SSH2: variants seen among roughly 807,000 people sequenced by gnomAD.
The protein encoded by SSH2 is protein phosphatase Slingshot homolog 2.
A neutral mutation model predicts 135.2 loss-of-function variants in SSH2; 37 were observed. The observed-to-expected ratio is 0.27, with a 90% confidence interval of 0.21 to 0.36. The LOEUF is 0.36. SSH2 is among the 10% of genes least tolerant of loss of function. SSH2 has a pLI of 1.00. For synonymous variants in SSH2, 628 were observed against 646.2 expected (o/e 0.97, Z 0.43); for missense variants, 1,408 against 1,765.3 (o/e 0.80, Z 3.63).
chr17:29,641,722 T>C (rs1598700286), intron 14 of SSH2: 1 of 152,228 alleles, frequency 6.6e-6, no homozygotes, highest in East Asian at 1.9e-4. Flanking sequence ...GAAATTTAAA[T>C]GACAGATGCA....
chr17:29,737,254 C>T (rs943183525), intron 3 of SSH2, among the ~76,000 whole-genome samples: 1 of 151,908 alleles, frequency 6.6e-6, no homozygotes, highest in African/African-American at 2.4e-5. Context: ...CATAAAATGT[C>T]TACACTTCCG....
intron 3 of SSH2, among the ~76,000 whole-genome samples, chr17:29,745,538 G>A (rs1567941354): frequency 6.6e-6 from 1 of 152,176 alleles, no homozygotes; most frequent in Admixed American, 6.5e-5. Flanking sequence ...GCAATAAATT[G>A]TGCTCTTATT....
At chr17:29,825,751 A>G (rs1204149696) in intron 2 of SSH2, among the ~76,000 whole-genome samples, 3 of 152,162 alleles carry the variant, frequency 2.0e-5, no homozygotes, top group African/African-American at 7.2e-5. Flanking sequence ...CTGCCCACAT[A>G]AGAGGAATTG....
intron 1 of SSH2, among the ~76,000 whole-genome samples, chr17:29,896,615 C>T (rs1221049720): frequency 6.6e-6 from 1 of 151,016 alleles, no homozygotes; most frequent in African/African-American, 2.4e-5. Flanking sequence ...TCTATATGGT[C>T]CATTCAATCC....
intron 3 of SSH2, among the ~76,000 whole-genome samples, chr17:29,785,491 A>ATTTTTTTTT (rs34346245): frequency 2.5e-5 from 2 of 78,496 alleles, no homozygotes; most frequent in African/African-American, 1.1e-4. Context: ...TTGGCGTTTC[A>ATTTTTTTTT]TTTTTTTTTT....
intron 3 of SSH2, among the ~76,000 whole-genome samples, chr17:29,760,295 C>T (rs936358656): frequency 1.3e-5 from 2 of 152,184 alleles, no homozygotes; most frequent in Non-Finnish European, 2.9e-5. Context: ...AAAATCCCAG[C>T]AGGTGACTCC....
intron 1 of SSH2, among the ~76,000 whole-genome samples, chr17:29,874,817 C>A (rs910304491): frequency 1.4e-4 from 22 of 152,224 alleles, no homozygotes; most frequent in African/African-American, 5.3e-4. Flanking sequence ...ATGCAGAATT[C>A]TCTGTGATTG....
At position 29,736,739 on chromosome 17, in the gene SSH2, A is replaced by G. The variant is rs1392468104; in HGVS notation, c.189-33677T>C. Among the ~76,000 whole-genome samples the G allele has an allele frequency of 1.6e-4, 21 of 131,890 alleles. No individual in the cohort carries two copies. The Admixed American group carries it at 1.6e-3, about 10-fold the overall frequency. The allele number at this position is 131,890 out of a possible 152,430, so 86.5% of individuals were successfully genotyped here. A position where few individuals can be genotyped will look rare whatever the true frequency, so the allele number is the denominator to read the frequency against. On this transcript the variant is annotated intron_variant, in intron 3 of 15. Transcript: ENST00000540801. ...GAGGCGGAGGTTGCAGTGAGCCAAG[A>G]TCGCGCCACTGTACTCCAGCCTGGG...
intron 1 of SSH2, among the ~76,000 whole-genome samples, chr17:29,901,002 C>T (rs1311822594): frequency 6.6e-6 from 1 of 152,070 alleles, no homozygotes; most frequent in Non-Finnish European, 1.5e-5. Context: ...AGCTGGAAAC[C>T]ATCATTCTCA....
intron 8 of SSH2, chr17:29,674,203 C>T (rs1227015383): frequency 2.2e-6 from 1 of 455,434 alleles, no homozygotes; most frequent in Non-Finnish European, 4.4e-6. Flanking sequence ...CCAATTTAAT[C>T]AGAGGAAAAT....
intron 3 of SSH2, among the ~76,000 whole-genome samples, chr17:29,779,708 C>G (rs1186750318): frequency 7.1e-6 from 1 of 140,582 alleles, no homozygotes; most frequent in Non-Finnish European, 1.5e-5. Context: ...ATCCCAGCTA[C>G]TTGGGGGGCT....
At chr17:29,728,807 T>A (rs1216237918) in intron 3 of SSH2, among the ~76,000 whole-genome samples, 1 of 151,806 alleles carries the variant, frequency 6.6e-6, no homozygotes, top group Non-Finnish European at 1.5e-5. Context: ...GAAAGGAGAG[T>A]CTCTTCAATA....
At chr17:29,929,814 C>G in intron 1 of SSH2, 124 bp downstream of exon 1, 1 of 862,176 alleles carries the variant, frequency 1.2e-6, no homozygotes, top group Non-Finnish European at 1.8e-6. Flanking sequence ...GGGTTCGCGG[C>G]AGCCGAGTGC....
At chr17:29,736,786 CAAAAAAAAAAAAA>C (rs1194959594) in intron 3 of SSH2, among the ~76,000 whole-genome samples, 3 of 10,206 alleles carry the variant, frequency 2.9e-4, no homozygotes, top group Admixed American at 1.7e-3. Context: ...GACTCTGTCT[CAAAAAAAAAAAAA>C]AAAAAAAAAA....
At chr17:29,819,918 A>C (rs1279807268) in intron 2 of SSH2, among the ~76,000 whole-genome samples, 1 of 152,220 alleles carries the variant, frequency 6.6e-6, no homozygotes, top group Non-Finnish European at 1.5e-5. Context: ...TGAGTTCATA[A>C]ATACTTCTTT....
At chr17:29,761,461 C>T (rs1484267019) in intron 3 of SSH2, 1 of 995,072 alleles carries the variant, frequency 1.0e-6, no homozygotes, top group Non-Finnish European at 1.2e-6. Flanking sequence ...TTCGCCCCCA[C>T]CCGCGTCCGG....
intron 2 of SSH2, among the ~76,000 whole-genome samples, chr17:29,826,235 T>G (rs189348576): frequency 1.3e-5 from 2 of 152,326 alleles, no homozygotes; most frequent in Admixed American, 1.3e-4. Flanking sequence ...GACTGGTCAC[T>G]GTGACAGGGA....
At chr17:29,713,992 T>G (rs1315430515) in intron 3 of SSH2, among the ~76,000 whole-genome samples, 1 of 152,142 alleles carries the variant, frequency 6.6e-6, no homozygotes, top group Non-Finnish European at 1.5e-5. Flanking sequence ...GAGAAGGTCC[T>G]CCTCCAAAGA....
chr17:29,899,307 G>T (rs1477715588), intron 1 of SSH2, among the ~76,000 whole-genome samples: 1 of 151,786 alleles, frequency 6.6e-6, no homozygotes, highest in African/African-American at 2.4e-5. Context: ...GGAAATAAAG[G>T]GTATTCAATT....
Sources: gnomAD v4.1 joint callset for allele counts (sites outside exome capture counted in the v4.1 genomes callset) on GRCh38, gnomAD v4.1.1 for gene constraint, MANE v1.5 for transcripts, NCBI Gene and HGNC (gene_info 2026-07-23, HGNC 2026-07-21) for gene names.